Variants in KIF19 observed in about 807,000 individuals in gnomAD.
KIF19 encodes the protein kinesin-like protein KIF19.
In KIF19, 98 loss-of-function variants were observed where a neutral mutation model predicts 106.6. The observed-to-expected ratio is 0.92, with a 90% CI of 0.78 to 1.09. The LOEUF (loss-of-function observed/expected upper bound fraction) is 1.09. KIF19 is among the 50% of genes least tolerant of loss of function. The probability of loss-of-function intolerance (pLI) is 0.00; values close to 1 mark genes in which losing one functional copy is unlikely to be tolerated. For missense variants in KIF19, 1,373 were observed against 1,414.3 expected (o/e 0.97, Z 0.47); for synonymous variants, 516 against 584.2 (o/e 0.88, Z 1.68).
rs1419775760 is a variant in KIF19, at chr17:74,331,684, C to T, written c.120+3179C>T. ...CTCCGCCTCCTGGATTCAAGCGATT[C>T]TCCTGCCTCAGCCTCCCATGTAGCT... On this transcript the variant is annotated intron_variant, in intron 2 of 19. Coordinates refer to ENST00000389916, the MANE Select transcript of KIF19 (RefSeq NM_153209.4). This position sits in a 1 kb window ranked among gnomAD's most constrained non-coding sequence, Gnocchi z 4.1. Among the ~76,000 whole-genome samples, 2 of 151,976 alleles carry T rather than the reference C, an allele frequency of 1.3e-5. No individual in the cohort carries two copies. Among genetic ancestry groups the T allele is most frequent in the African/African-American group, 4.8e-5 (2 of 41,368 alleles).
rs181710875 is a variant in KIF19, at chr17:74,346,750, C to T, written c.924+226C>T. ...ACTGGGTATCCTGTATTTTATCTGA[C>T]GACCCTAACCAAAGGCTGGGCAATG... On this transcript the variant is annotated intron_variant, in intron 8 of 19. Coordinates refer to ENST00000389916, the MANE Select transcript of KIF19 (RefSeq NM_153209.4). The surrounding 1 kb of genome is among the most constrained non-coding windows in gnomAD (Gnocchi z 4.6). Among the ~76,000 whole-genome samples, 144 of 152,284 alleles carry T rather than the reference C, an allele frequency of 9.5e-4. 1 individual carries two copies. Among genetic ancestry groups the T allele is most frequent in the African/African-American group, 3.1e-3 (130 of 41,554 alleles).
chr17:74,351,853 T>C lies in KIF19; in HGVS notation c.1588-14T>C. On this transcript the variant is annotated splice_polypyrimidine_tract_variant and intron_variant, in intron 12 of 19. Coordinates refer to ENST00000389916, the MANE Select transcript of KIF19 (RefSeq NM_153209.4). ...CTCTCCCCGCTGCCAGATGCTGACC[T>C]GCGCCTCCTGCAGCTGGCGCTGGAG... 1 of 1,380,862 alleles carries C rather than the reference T, an allele frequency of 7.2e-7. No individual in the cohort carries two copies. Among genetic ancestry groups the C allele is most frequent in the East Asian group, 3.0e-5 (1 of 33,356 alleles). 85.5% of individuals were successfully genotyped at this position (1,380,862 alleles called of 1,614,324 possible).
At chr17:74,343,592 CCAGA>C (rs1333036129) in intron 5 of KIF19, among the ~76,000 whole-genome samples, 1 of 152,228 alleles carries the variant, frequency 6.6e-6, no homozygotes, top group African/African-American at 2.4e-5. Flanking sequence ...AGTGCTATCA[CCAGA>C]CAGTGATGGG....
In KIF19 at chr17:74,343,059, C is replaced by T. The variant is rs141652791; in HGVS notation, c.355C>T (p.Gln119Ter). ...AACCTACACCATGCTGGGCACAGAC[C>T]AGGAGCCTGGCATCTATGTTCAGAC... ...GKTYTMLGTD[Q>*]EPGIYVQTLN... is the part of the protein sequence containing the mutation. Residue 119 changes from glutamine (Q) to a stop codon, truncating the protein, a stop_gained, in exon 5 of 20, where the codon CAG becomes TAG. Transcript: ENST00000389916. LOFTEE classifies it high-confidence loss of function. The T allele has an allele frequency of 4.9e-5, 79 of 1,612,498 alleles. No homozygotes were observed. In the African/African-American group the frequency reaches 9.1e-4, roughly 19 times the overall value.
intron 3 of KIF19, 55 bp from the exon 4 acceptor site, chr17:74,342,575 G>A: frequency 7.3e-7 from 1 of 1,361,718 alleles, no homozygotes; most frequent in Non-Finnish European, 1.1e-6. Flanking sequence ...GCCAGTGGGT[G>A]CCTGTGCTGT....
chr17:74,349,325 C>G lies in KIF19; in HGVS notation c.1189C>G (p.Arg397Gly), dbSNP rs114774679. 2 of 1,605,380 alleles carry G rather than the reference C, an allele frequency of 1.2e-6. No individual in the cohort carries two copies. Among genetic ancestry groups the G allele is most frequent in the African/African-American group, 1.3e-5 (1 of 74,780 alleles). Reference sequence around the variant, plus strand: ...GGGCCAGGCCCGGGGCCGGCAGGATCGGGGTGACATCCGCCACATCCAAGG... The same window carrying G: ...GGGCCAGGCCCGGGGCCGGCAGGATGGGGGTGACATCCGCCACATCCAAGG... ...GRGQARGRQD[R>G]GDIRHIQAEV... Residue 397 changes from arginine (R) to glycine (G), a missense_variant, in exon 10 of 20, where the codon CGG becomes GGG. Transcript: ENST00000389916.
chr17:74,347,765 C>A lies in KIF19; in HGVS notation c.925-12C>A, dbSNP rs1453565357. On this transcript the variant is annotated splice_polypyrimidine_tract_variant and intron_variant, in intron 8 of 19. Transcript: ENST00000389916. ...AGGCAGTCCCCACTGACCACAGCCA[C>A]CTCCCATCCAGGACTCTCTGGGAGG... 6.3e-7 allele frequency: 1 copy of A among 1,587,326 alleles called. No homozygotes were observed. The highest frequency in any genetic ancestry group is 8.6e-7 in the Non-Finnish European group (1 of 1,167,480).
intron 3 of KIF19, 124 bp from the exon 4 acceptor site, chr17:74,342,506 A>G (rs1217134710): frequency 8.7e-6 from 5 of 573,750 alleles, no homozygotes; most frequent in African/African-American, 5.8e-5. Flanking sequence ...CCCCACCCCC[A>G]CTTATCTTGG....
chr17:74,354,700 G>A lies in KIF19; in HGVS notation c.2707-82G>A, dbSNP rs1419299256. The A allele has an allele frequency of 3.3e-6, 5 of 1,524,014 alleles. No individual in the cohort carries two copies. In the East Asian group the frequency reaches 9.8e-5, roughly 30 times the overall value. The allele number at this position is 1,524,014 out of a possible 1,614,324, so 94.4% of individuals were successfully genotyped here. On this transcript the variant is annotated intron_variant, in intron 18 of 19. Transcript: ENST00000389916. ...CCACCCTCCACAGTCTCTGTCCCCA[G>A]CCTAGCATAGTAGCTGGGACAGATC...
intron 5 of KIF19, among the ~76,000 whole-genome samples, chr17:74,343,877 C>A (rs896395646): frequency 1.3e-5 from 2 of 151,942 alleles, no homozygotes; most frequent in Non-Finnish European, 2.9e-5. Flanking sequence ...TTTGTCAGGT[C>A]CCCATGCAAC....
At position 74,349,318 on chromosome 17, in the gene KIF19, G is replaced by C. The variant is rs2054624581; in HGVS notation, c.1182G>C (p.Arg394=). The change falls in exon 10 of 20, where the codon CGG becomes CGC. Residue 394 remains arginine (R), a synonymous_variant. Coordinates refer to ENST00000389916, the MANE Select transcript of KIF19 (RefSeq NM_153209.4). ...EQTGRGQARG[R]QDRGDIRHIQ... is the part of the protein sequence containing the mutation. ...CTGGGCGGGGCCAGGCCCGGGGCCGGCAGGATCGGGGTGACATCCGCCACA... is the reference window on the plus strand; with the variant it reads ...CTGGGCGGGGCCAGGCCCGGGGCCGCCAGGATCGGGGTGACATCCGCCACA... 2 of 1,607,596 alleles carry C rather than the reference G, an allele frequency of 1.2e-6. No individual in the cohort carries two copies. The highest frequency in any genetic ancestry group is 2.7e-5 in the African/African-American group (2 of 74,856).
chr17:74,344,965 G>A lies in KIF19; in HGVS notation c.777+10G>A. On this transcript the variant is annotated intron_variant, in intron 7 of 19. Coordinates refer to ENST00000389916, the MANE Select transcript of KIF19 (RefSeq NM_153209.4). ...AGAGCGCGCCTCGCAGGTGAGGCTG[G>A]GACCTGGGCTGGGCAGAGGAGGGAG... 1 of 1,592,330 alleles carries A rather than the reference G, an allele frequency of 6.3e-7. No homozygotes were observed. Among genetic ancestry groups the A allele is most frequent in the East Asian group, 2.3e-5 (1 of 44,342 alleles).
chr17:74,327,469 T>G (rs973681903), intron 1 of KIF19, among the ~76,000 whole-genome samples: 1 of 152,090 alleles, frequency 6.6e-6, no homozygotes, highest in Non-Finnish European at 1.5e-5. Context: ...GAAAGTGCCT[T>G]TTGTTTTGTT....
intron 2 of KIF19, among the ~76,000 whole-genome samples, chr17:74,332,200 GTGTGTGTGTT>G (rs1179673526): frequency 0.022 from 1,660 of 75,746 alleles, 26 homozygotes; most frequent in African/African-American, 0.065. Flanking sequence ...GTGTGTGTGT[GTGTGTGTGTT>G]TGTGTGTGTG....
intron 2 of KIF19, among the ~76,000 whole-genome samples, chr17:74,332,218 G>GTGTGTGTGTGTGTT (rs2054112526): frequency 7.5e-4 from 83 of 110,724 alleles, no homozygotes; most frequent in Middle Eastern, 4.5e-3. Context: ...GTTTGTGTGT[G>GTGTGTGTGTGTGTT]TGTGTGTGTG....
chr17:74,338,857 G>A (rs1258653888), intron 2 of KIF19, among the ~76,000 whole-genome samples: 5 of 151,864 alleles, frequency 3.3e-5, no homozygotes. Context: ...CAGCTCTGCT[G>A]CCTGCTGCCC....
rs199591467 is a variant in KIF19 at position 74,331,579 on chromosome 17, T to C, written c.120+3074T>C. On this transcript the variant is annotated intron_variant, in intron 2 of 19. Coordinates refer to ENST00000389916, the MANE Select transcript of KIF19 (RefSeq NM_153209.4). The surrounding 1 kb of genome is among the most constrained non-coding windows in gnomAD (Gnocchi z 4.1). ...GGGGAAGCTGGAGTTCGGATTTGGA[T>C]TTTTTTTTTTTTCTTGTGATGGAGT... is the stretch of plus-strand genomic sequence containing the variant. 2.9e-4 allele frequency among the ~76,000 whole-genome samples: 17 copies of C among 58,770 alleles called. No homozygotes were observed. In the East Asian group the frequency reaches 7.2e-3, roughly 25 times the overall value. The allele number at this position is 58,770 out of a possible 152,430, so 38.6% of individuals were successfully genotyped here.
intron 1 of KIF19, among the ~76,000 whole-genome samples, chr17:74,327,553 C>G (rs1598362749): frequency 6.6e-6 from 1 of 152,326 alleles, no homozygotes; most frequent in East Asian, 1.9e-4. Context: ...GCGATCTCAG[C>G]TCACTGCCCC....
intron 2 of KIF19, among the ~76,000 whole-genome samples, chr17:74,338,570 C>T (rs2054278968): frequency 1.3e-5 from 2 of 152,054 alleles, no homozygotes; most frequent in South Asian, 2.1e-4. Context: ...CCGCTTCCCT[C>T]CTCCACTGAG....
Sources: gnomAD v4.1 joint callset for allele counts (sites outside exome capture counted in the v4.1 genomes callset) on GRCh38, gnomAD v4.1.1 for gene constraint, Gnocchi (gnomAD v3.1) non-coding constraint, MANE v1.5 for transcripts, NCBI Gene and HGNC (gene_info 2026-07-23, HGNC 2026-07-21) for gene names.